Variants in GADL1 observed in about 807,000 individuals in gnomAD.
GADL1 encodes the protein acidic amino acid decarboxylase GADL1.
A neutral mutation model predicts 69.5 loss-of-function variants in GADL1; 71 were observed. The ratio of observed to expected loss-of-function variants is 1.02; its 90% CI spans 0.84 to 1.25. The LOEUF is 1.25. Ranked by LOEUF, GADL1 falls within the 50% of genes most tolerant of loss-of-function variation. The pLI is 0.00. For synonymous variants in GADL1, 254 were observed against 214.4 expected, an observed-to-expected ratio of 1.18 and a Z score of -1.62; for missense variants, 737 against 631.8, an observed-to-expected ratio of 1.17 and a Z score of -1.79.
At chr3:30,808,342 C>A (rs934063972) in intron 11 of GADL1, among the ~76,000 whole-genome samples, 2 of 151,874 alleles carry the variant, frequency 1.3e-5, no homozygotes, top group African/African-American at 4.8e-5. Flanking sequence ...ACTAAAAATA[C>A]AAAAATTAAC....
At chr3:30,829,074 C>T (rs1697742306) in intron 11 of GADL1, among the ~76,000 whole-genome samples, 1 of 151,830 alleles carries the variant, frequency 6.6e-6, no homozygotes, top group Non-Finnish European at 1.5e-5. Flanking sequence ...GCAACTGATT[C>T]TTAGAATATA....
At chr3:30,863,978 T>G (rs1257372048) in intron 1 of GADL1, among the ~76,000 whole-genome samples, 1 of 152,048 alleles carries the variant, frequency 6.6e-6, no homozygotes, top group Non-Finnish European at 1.5e-5. Context: ...TTTTGTCCTC[T>G]CACTGAAAAA....
At chr3:30,801,169 ATG>A in intron 11 of GADL1, 81 bp from the exon 12 acceptor site, 1 of 987,694 alleles carries the variant, frequency 1.0e-6, no homozygotes, top group Non-Finnish European at 1.6e-6. Context: ...TACACACACA[ATG>A]TGTATATTCT....
At chr3:30,801,483 CA>C (rs1411748730) in intron 11 of GADL1, among the ~76,000 whole-genome samples, 1 of 151,726 alleles carries the variant, frequency 6.6e-6, no homozygotes, top group South Asian at 2.1e-4. Flanking sequence ...ATTTCATAAG[CA>C]AAAAAACTAG....
intron 1 of GADL1, among the ~76,000 whole-genome samples, chr3:30,879,749 G>C (rs1559368077): frequency 6.6e-6 from 1 of 151,698 alleles, no homozygotes; most frequent in Non-Finnish European, 1.5e-5. Flanking sequence ...ACTTTTTCTT[G>C]ATGCTAGCCT....
At chr3:30,776,916 GCTT>G (rs1319094037) in intron 14 of GADL1, among the ~76,000 whole-genome samples, 1 of 152,138 alleles carries the variant, frequency 6.6e-6, no homozygotes, top group Non-Finnish European at 1.5e-5. Context: ...CCTGGAATCT[GCTT>G]CTTTAAAATT....
At chr3:30,814,274 C>A (rs1411893770) in intron 11 of GADL1, among the ~76,000 whole-genome samples, 1 of 152,130 alleles carries the variant, frequency 6.6e-6, no homozygotes, top group Non-Finnish European at 1.5e-5. Flanking sequence ...GGTTCATTTA[C>A]CCACTGAGAA....
At chr3:30,789,658 G>A (rs6805101) in intron 12 of GADL1, among the ~76,000 whole-genome samples, 31,657 of 152,132 alleles carry the variant, frequency 0.21, 7,386 homozygotes, top group African/African-American at 0.56. Flanking sequence ...ACATTCTTCA[G>A]TGATCTTAGC....
chr3:30,791,051 G>A (rs541927706), intron 12 of GADL1, among the ~76,000 whole-genome samples: 35 of 151,660 alleles, frequency 2.3e-4, no homozygotes, highest in African/African-American at 8.2e-4. Context: ...GGAAGGATAC[G>A]TCATAAATTG....
intron 6 of GADL1, among the ~76,000 whole-genome samples, chr3:30,848,970 C>G (rs570995267): frequency 2.0e-4 from 31 of 152,174 alleles, no homozygotes; most frequent in Non-Finnish European, 4.4e-4. Flanking sequence ...CTTCCCACAT[C>G]TTGGGTCTGG....
intron 14 of GADL1, among the ~76,000 whole-genome samples, chr3:30,743,162 G>GT (rs1559484579): frequency 6.6e-6 from 1 of 152,054 alleles, no homozygotes; most frequent in Non-Finnish European, 1.5e-5. Flanking sequence ...GTTTGAGAGA[G>GT]TATCTTTAAT....
At chr3:30,860,599 G>A (rs1698306169) in intron 2 of GADL1, among the ~76,000 whole-genome samples, 1 of 151,912 alleles carries the variant, frequency 6.6e-6, no homozygotes, top group Non-Finnish European at 1.5e-5. Flanking sequence ...TTTTCCGAAA[G>A]GCATGTGATC....
At chr3:30,887,224 C>G (rs991304755) in intron 1 of GADL1, among the ~76,000 whole-genome samples, 1 of 152,138 alleles carries the variant, frequency 6.6e-6, no homozygotes, top group Non-Finnish European at 1.5e-5. Flanking sequence ...GTTGTACAAA[C>G]TGGAGTTAAA....
At chr3:30,792,905 G>A (rs1193902983) in intron 12 of GADL1, among the ~76,000 whole-genome samples, 1 of 152,148 alleles carries the variant, frequency 6.6e-6, no homozygotes, top group African/African-American at 2.4e-5. Context: ...CTAAACCAAT[G>A]TTCCCAGATT....
intron 11 of GADL1, among the ~76,000 whole-genome samples, chr3:30,826,309 T>C (rs920202881): frequency 2.6e-5 from 4 of 151,828 alleles, no homozygotes; most frequent in Admixed American, 2.0e-4. Context: ...TATTTTTCTT[T>C]CTGGTTATTT....
At chr3:30,891,403 A>G (rs1158144220) in intron 1 of GADL1, among the ~76,000 whole-genome samples, 3 of 152,086 alleles carry the variant, frequency 2.0e-5, no homozygotes, top group African/African-American at 7.2e-5. Context: ...AAGAGGAAAC[A>G]ATGCTACTGT....
chr3:30,806,739 A>G (rs1348413200), intron 11 of GADL1, among the ~76,000 whole-genome samples: 2 of 152,212 alleles, frequency 1.3e-5, no homozygotes, highest in Non-Finnish European at 2.9e-5. Context: ...CTGAAAAGTG[A>G]GGGACAGCTG....
intron 6 of GADL1, among the ~76,000 whole-genome samples, chr3:30,849,030 C>T (rs561328388): frequency 6.6e-6 from 1 of 152,184 alleles, no homozygotes; most frequent in East Asian, 1.9e-4. Context: ...TAACAATGGC[C>T]AGTTCTGAGG....
At chr3:30,766,758 A>G (rs1233257963) in intron 14 of GADL1, among the ~76,000 whole-genome samples, 2 of 143,302 alleles carry the variant, frequency 1.4e-5, no homozygotes, top group Non-Finnish European at 3.2e-5. Flanking sequence ...CAGGGGACAT[A>G]AATAGGATTA....
Sources: allele counts gnomAD v4.1 joint callset (sites outside exome capture counted in the v4.1 genomes callset), GRCh38; gene constraint gnomAD v4.1.1; transcripts MANE v1.5; gene names NCBI Gene and HGNC (gene_info 2026-07-23, HGNC 2026-07-21).